CHD1L: variants seen among roughly 807,000 people sequenced by gnomAD.
The protein encoded by CHD1L is chromodomain helicase DNA binding protein 1 like.
CHD1L carries 118 observed loss-of-function variants against 115.9 expected under a neutral mutation model. That is an observed-to-expected ratio of 1.02 (90% CI 0.88 to 1.19). CHD1L has a LOEUF of 1.19. Among genes scored for constraint, CHD1L ranks in the 50% most tolerant of loss-of-function variants. CHD1L has a pLI of 0.00. For synonymous variants in CHD1L, 411 were observed against 387.1 expected (o/e 1.06, Z -0.72); for missense variants, 1,179 against 1,065.3 (o/e 1.11, Z -1.49).
chr1:147,174,927 A>T, the CHD1L span: 1 of 152,150 alleles, frequency 6.6e-6, no homozygotes, highest in Admixed American at 6.5e-5. Flanking sequence ...TCTGCCTAAT[A>T]AACAGAAAAA....
chr1:147,212,378 T>C, the CHD1L span: 184 of 1,613,558 alleles, frequency 1.1e-4, no homozygotes, highest in Admixed American at 3.0e-3. Context: ...TAAATAATAA[T>C]TGAGTGATTC....
At chr1:147,198,981 C>G in the CHD1L span, among the ~76,000 whole-genome samples, 1 of 150,208 alleles carries the variant, frequency 6.7e-6, no homozygotes, top group South Asian at 2.1e-4. Context: ...TTTGGTGTAA[C>G]TTGATATAGT....
chr1:147,253,756 C>A (rs1255345581), intron 2 of CHD1L, among the ~76,000 whole-genome samples: 1 of 152,222 alleles, frequency 6.6e-6, no homozygotes, highest in African/African-American at 2.4e-5. Context: ...CCTTGGCCTC[C>A]CAAAGTGCTG....
the CHD1L span, among the ~76,000 whole-genome samples, chr1:147,191,372 C>T: frequency 6.6e-6 from 1 of 152,084 alleles, no homozygotes. Flanking sequence ...TAATGATCGC[C>T]ATTCTAACTG....
the CHD1L span, among the ~76,000 whole-genome samples, chr1:147,180,181 A>C: frequency 6.6e-6 from 1 of 152,212 alleles, no homozygotes; most frequent in Non-Finnish European, 1.5e-5. Flanking sequence ...AATAAAGTAC[A>C]TGAGGAAGTC....
At chr1:147,290,354 G>A (rs1446637693) in intron 19 of CHD1L, among the ~76,000 whole-genome samples, 3 of 152,130 alleles carry the variant, frequency 2.0e-5, no homozygotes, top group South Asian at 2.1e-4. Context: ...CCAAGTGCAA[G>A]GATTACACAC....
chr1:147,219,850 T>C, the CHD1L span, among the ~76,000 whole-genome samples: 1 of 150,242 alleles, frequency 6.7e-6, no homozygotes, highest in Non-Finnish European at 1.5e-5. Flanking sequence ...CTTTTTTTTT[T>C]TTTTTTGAGA....
At chr1:147,287,606 A>T in intron 18 of CHD1L, 29 bp from the exon 19 acceptor site, 1 of 1,561,854 alleles carries the variant, frequency 6.4e-7, no homozygotes, top group Non-Finnish European at 8.8e-7. Context: ...CACCTCCTAT[A>T]GATGAAAATT....
chr1:147,251,918 A>AT (rs34818365), intron 1 of CHD1L, among the ~76,000 whole-genome samples: 1 of 152,156 alleles, frequency 6.6e-6, no homozygotes, highest in Admixed American at 6.5e-5. Flanking sequence ...TATTTTGAAG[A>AT]TTTTTTTAAA....
At chr1:147,229,205 C>T in the CHD1L span, among the ~76,000 whole-genome samples, 3 of 152,158 alleles carry the variant, frequency 2.0e-5, no homozygotes, top group Non-Finnish European at 4.4e-5. Context: ...AGGAAGGGAT[C>T]CAGTTTCAGC....
At chr1:147,290,687 C>T (rs1685172920) in intron 19 of CHD1L, among the ~76,000 whole-genome samples, 2 of 151,888 alleles carry the variant, frequency 1.3e-5, no homozygotes, top group African/African-American at 4.8e-5. Flanking sequence ...AGGGTCTCAC[C>T]CTGTCACCCA....
At chr1:147,294,190 A>C (rs1553973925) in intron 21 of CHD1L, among the ~76,000 whole-genome samples, 1 of 152,176 alleles carries the variant, frequency 6.6e-6, no homozygotes, top group African/African-American at 2.4e-5. Context: ...CACCAATCAT[A>C]ATCTATTTCC....
At chr1:147,186,778 T>C in the CHD1L span, 2 of 1,476,690 alleles carry the variant, frequency 1.4e-6, no homozygotes, top group South Asian at 2.9e-5. Flanking sequence ...AATTAATGCT[T>C]TCGAAAGAGA....
At chr1:147,223,858 C>T in the CHD1L span, 2 of 332,046 alleles carry the variant, frequency 6.0e-6, no homozygotes, top group Admixed American at 8.3e-5. Flanking sequence ...CCCACAAGCA[C>T]AGACCAGAGA....
At chr1:147,224,525 C>T in the CHD1L span, among the ~76,000 whole-genome samples, 4 of 151,560 alleles carry the variant, frequency 2.6e-5, no homozygotes, top group Non-Finnish European at 5.9e-5. Flanking sequence ...AATTTTTTTC[C>T]TTGAGACGGA....
At chr1:147,218,314 C>A in the CHD1L span, among the ~76,000 whole-genome samples, 1 of 151,390 alleles carries the variant, frequency 6.6e-6, no homozygotes, top group Admixed American at 6.6e-5. Flanking sequence ...CAGCTCCCTG[C>A]AACCTCTGCC....
chr1:147,189,270 C>G, the CHD1L span, among the ~76,000 whole-genome samples: 1 of 120,596 alleles, frequency 8.3e-6, no homozygotes, highest in Admixed American at 8.0e-5. Flanking sequence ...GAGACTCCGT[C>G]TAAAAAAAAA....
At chr1:147,256,606 T>C (rs781936941) in intron 5 of CHD1L, 44 bp downstream of exon 5, 48 of 1,556,926 alleles carry the variant, frequency 3.1e-5, no homozygotes, top group Non-Finnish European at 4.1e-5. Context: ...GAATGTATTA[T>C]GAATGTCATG....
intron 6 of CHD1L, chr1:147,261,087 C>A (rs587754018): frequency 3.9e-5 from 6 of 152,160 alleles, no homozygotes; most frequent in Admixed American, 3.9e-4. Context: ...AATGTAGATA[C>A]GATCACTGTG....
Sources: gnomAD v4.1 joint callset for allele counts (sites outside exome capture counted in the v4.1 genomes callset) on GRCh38, gnomAD v4.1.1 for gene constraint, MANE v1.5 for transcripts, NCBI Gene and HGNC (gene_info 2026-07-23, HGNC 2026-07-21) for gene names.